GLO1: variants seen among roughly 807,000 people sequenced by gnomAD.
GLO1 encodes lactoylglutathione lyase.
GLO1 carries 28 observed loss-of-function variants against 26.0 expected under a neutral mutation model. The observed-to-expected ratio is 1.08, with a 90% CI of 0.80 to 1.48. The LOEUF is 1.48. Ranked by LOEUF, GLO1 falls within the 40% of genes most tolerant of loss-of-function variation. The pLI is 0.00. For missense variants in GLO1, 225 were observed against 224.8 expected (o/e 1.00, Z -0.01); for synonymous variants, 78 against 77.6 (o/e 1.00, Z -0.03).
chr6:38,702,896 T>G, intron 1 of GLO1, 75 bp downstream of exon 1: 46 of 788,040 alleles, frequency 5.8e-5, no homozygotes, highest in Non-Finnish European at 8.9e-5. Context: ...GGCGGCGGGA[T>G]GGGGTTGGAT....
rs769031846 is a variant in GLO1 at position 38,686,905 on chromosome 6, C to G, written c.154G>C (p.Val52Leu). The change falls in exon 2 of 6, where the codon GTT (valine) becomes CTT (leucine). Residue 52 changes from valine to leucine, a missense_variant. Physicochemically the swap from Val to Leu is conservative, Grantham distance 32. Transcript: ENST00000373365. The stretch of plus-strand genomic sequence containing the variant: ...TACTTGACTTACGTCATTCCAAGAA[C>G]TCTAGTATAAAAATCCAGTGACTTC... ...PKKSLDFYTR[V>L]LGMTLIQKCD... 5.1e-6 allele frequency: 8 copies of G among 1,571,744 alleles called. No homozygotes were observed. Among genetic ancestry groups the G allele is most frequent in the Non-Finnish European group, 7.0e-6 (8 of 1,141,564 alleles).
chr6:38,684,530 A>C lies in GLO1; in HGVS notation c.168-16T>G. ...TTGGATTAGCCTGCAATGAAAAAAC[A>C]ACAAGCCTGAATCATTAACAACAGG... On this transcript the variant is annotated splice_polypyrimidine_tract_variant and intron_variant, in intron 2 of 5. Coordinates refer to ENST00000373365, the MANE Select transcript of GLO1 (RefSeq NM_006708.3). 1 of 1,467,350 alleles carries C rather than the reference A, an allele frequency of 6.8e-7. No individual in the cohort carries two copies. The highest frequency in any genetic ancestry group is 9.1e-7 in the Non-Finnish European group (1 of 1,104,612). The allele number at this position is 1,467,350 out of a possible 1,614,324, so 90.9% of individuals were successfully genotyped here.
intron 1 of GLO1, among the ~76,000 whole-genome samples, chr6:38,697,007 CT>C (rs746742367): frequency 1.3e-3 from 192 of 151,934 alleles, no homozygotes; most frequent in Non-Finnish European, 2.4e-3. Context: ...CAACCTCTGC[CT>C]CCCAGGCTAT....
In GLO1 at chr6:38,684,465, A is replaced by G. The variant is rs755854321; in HGVS notation, c.217T>C (p.Leu73=). The G allele has an allele frequency of 6.4e-7, 1 of 1,566,986 alleles. No homozygotes were observed. The highest frequency in any genetic ancestry group is 1.8e-5 in the Admixed American group (1 of 54,536). ...FPIMKFSLYF[L]AYEDKNDIPK... is the part of the protein sequence containing the mutation. ...ATGTCATTTTTATCCTCATAAGCCAAGAAGTAGAGTGAAAACTTCATAATG... is the reference window on the plus strand; with the variant it reads ...ATGTCATTTTTATCCTCATAAGCCAGGAAGTAGAGTGAAAACTTCATAATG... The change falls in exon 3 of 6, where the codon TTG becomes CTG. Residue 73 remains leucine (L), a synonymous_variant. Transcript: ENST00000373365.
intron 5 of GLO1, among the ~76,000 whole-genome samples, chr6:38,678,149 A>T (rs778385176): frequency 5.9e-5 from 9 of 152,192 alleles, no homozygotes; most frequent in Non-Finnish European, 1.3e-4. Flanking sequence ...CAAAACTGAG[A>T]TTGAGAGTCT....
intron 1 of GLO1, among the ~76,000 whole-genome samples, chr6:38,689,126 G>A (rs1205309775): frequency 1.3e-5 from 2 of 152,196 alleles, no homozygotes; most frequent in Non-Finnish European, 2.9e-5. Flanking sequence ...AGGAAGCTGG[G>A]ACCCCTGTCC....
At chr6:38,700,590 C>A (rs1562492791) in intron 1 of GLO1, among the ~76,000 whole-genome samples, 1 of 152,124 alleles carries the variant, frequency 6.6e-6, no homozygotes, top group Non-Finnish European at 1.5e-5. Flanking sequence ...CCTCTACCTC[C>A]CAGGGTGCTC....
At chr6:38,685,277 T>TA (rs1761445158) in intron 2 of GLO1, among the ~76,000 whole-genome samples, 1 of 152,020 alleles carries the variant, frequency 6.6e-6, no homozygotes, top group Non-Finnish European at 1.5e-5. Flanking sequence ...AAAGAAGACT[T>TA]ACGCTTCTCT....
At chr6:38,694,739 C>T (rs1248444472) in intron 1 of GLO1, among the ~76,000 whole-genome samples, 2 of 151,920 alleles carry the variant, frequency 1.3e-5, no homozygotes, top group Non-Finnish European at 2.9e-5. Flanking sequence ...TCTATTTCTC[C>T]TTTCAGTTAT....
Position 38,703,127 on chromosome 6 carries a change from T to G in GLO1, c.-73A>C. ...TCACCCACACTACGCCTCGGCCCTG[T>G]GCCGCCTTAACTAGGAATGGCGCGA... On this transcript the variant is annotated 5_prime_UTR_variant, in exon 1 of 6. Transcript: ENST00000373365. 1.1e-6 allele frequency: 1 copy of G among 891,438 alleles called. No individual in the cohort carries two copies. The highest frequency in any genetic ancestry group is 1.8e-6 in the Non-Finnish European group (1 of 568,670). The allele number at this position is 891,438 out of a possible 1,614,324, so 55.2% of individuals were successfully genotyped here. A position where few individuals can be genotyped will look rare whatever the true frequency, so the allele number is the denominator to read the frequency against.
intron 1 of GLO1, among the ~76,000 whole-genome samples, chr6:38,698,936 T>C (rs1463872409): frequency 6.6e-6 from 1 of 152,186 alleles, no homozygotes; most frequent in African/African-American, 2.4e-5. Context: ...CCCTCCAATC[T>C]ACTTTATAGA....
chr6:38,687,444 C>T (rs1184290699), intron 1 of GLO1, among the ~76,000 whole-genome samples: 3 of 152,244 alleles, frequency 2.0e-5, no homozygotes, highest in Non-Finnish European at 4.4e-5. Flanking sequence ...TGATTTTACA[C>T]ATAAAGAGGT....
rs564587477 is a variant in GLO1, at chr6:38,688,279, C to T, written c.85-1305G>A. 1.3e-3 allele frequency among the ~76,000 whole-genome samples: 193 copies of T among 152,220 alleles called. 1 individual carries two copies. The highest frequency in any genetic ancestry group is 1.1e-3 in the Non-Finnish European group (73 of 67,998). On this transcript the variant is annotated intron_variant, in intron 1 of 5. Transcript: ENST00000373365. ...TCAGATGCTACAGTCCTAAAGGTCT[C>T]GATTTTATCAAGCAGCTGAGAAAGA...
rs145977269 is a variant in GLO1, at chr6:38,687,126, G to A, written c.85-152C>T. On this transcript the variant is annotated intron_variant, in intron 1 of 5. Transcript: ENST00000373365. ...TGCTCAGTGGTATCTTCTGGTTGCA[G>A]GCCCCTGTGTGATGCAAGTCCAAAG... 5.4e-4 allele frequency: 765 copies of A among 1,414,022 alleles called. 3 individuals carry two copies. In the African/African-American group the frequency reaches 0.01, roughly 19 times the overall value. The allele number at this position is 1,414,022 out of a possible 1,614,324, so 87.6% of individuals were successfully genotyped here.
intron 3 of GLO1, among the ~76,000 whole-genome samples, chr6:38,683,512 A>G (rs1459605972): frequency 1.3e-5 from 2 of 152,234 alleles, no homozygotes; most frequent in Non-Finnish European, 2.9e-5. Flanking sequence ...ATGCTGAAAG[A>G]CTAATTATAG....
At chr6:38,702,695 C>G (rs1263951928) in intron 1 of GLO1, among the ~76,000 whole-genome samples, 1 of 152,140 alleles carries the variant, frequency 6.6e-6, no homozygotes, top group Non-Finnish European at 1.5e-5. Context: ...GAAAGCTGAC[C>G]CTGGGTTGGC....
chr6:38,691,686 A>C (rs1439240957), intron 1 of GLO1, among the ~76,000 whole-genome samples: 1 of 152,146 alleles, frequency 6.6e-6, no homozygotes, highest in Non-Finnish European at 1.5e-5. Context: ...CAAAACTGTA[A>C]AAGTGAGGCA....
At chr6:38,689,910 C>T (rs1377614645) in intron 1 of GLO1, among the ~76,000 whole-genome samples, 3 of 152,078 alleles carry the variant, frequency 2.0e-5, no homozygotes, top group South Asian at 2.1e-4. Context: ...CACTGCAACC[C>T]GCCTCCCGGG....
In GLO1 at chr6:38,703,127, T is replaced by C; in HGVS notation, c.-73A>G. On this transcript the variant is annotated 5_prime_UTR_variant, in exon 1 of 6. Transcript: ENST00000373365. ...TCACCCACACTACGCCTCGGCCCTG[T>C]GCCGCCTTAACTAGGAATGGCGCGA... is the stretch of plus-strand genomic sequence containing the variant. 1 of 891,436 alleles carries C rather than the reference T, an allele frequency of 1.1e-6. No individual in the cohort carries two copies. The highest frequency in any genetic ancestry group is 2.8e-5 in the East Asian group (1 of 36,336). 55.2% of individuals were successfully genotyped at this position (891,436 alleles called of 1,614,324 possible).
Sources: gnomAD v4.1 joint callset for allele counts (sites outside exome capture counted in the v4.1 genomes callset) on GRCh38, gnomAD v4.1.1 for gene constraint, MANE v1.5 for transcripts, NCBI Gene and HGNC (gene_info 2026-07-23, HGNC 2026-07-21) for gene names.